The following DCDC2C variants were observed in gnomAD, a reference collection of about 807,000 sequenced individuals.
DCDC2C encodes the protein doublecortin domain containing 2C, also known as doublecortin domain-containing protein 2C.
A neutral mutation model predicts 45.0 loss-of-function variants in DCDC2C; 44 were observed. The observed-to-expected ratio is 0.98, with a 90% CI of 0.77 to 1.26. DCDC2C has a LOEUF of 1.26. DCDC2C is among the 50% of genes most tolerant of loss of function. DCDC2C has a pLI of 0.00. For synonymous variants in DCDC2C, 187 were observed against 178.8 expected, an observed-to-expected ratio of 1.05 and a Z score of -0.37; for missense variants, 447 against 468.9, an observed-to-expected ratio of 0.95 and a Z score of 0.43.
intron 2 of DCDC2C, chr2:3,725,836 G>T: frequency 6.1e-6 from 1 of 164,274 alleles, no homozygotes; most frequent in Non-Finnish European, 1.3e-5. Context: ...ATCCCAGAGG[G>T]AGATGAGCAG....
intron 3 of DCDC2C, among the ~76,000 whole-genome samples, chr2:3,736,878 T>C (rs1442774496): frequency 6.6e-6 from 1 of 152,194 alleles, no homozygotes; most frequent in Non-Finnish European, 1.5e-5. Flanking sequence ...TATGACACCT[T>C]AGTTTTAAAG....
intron 10 of DCDC2C, among the ~76,000 whole-genome samples, chr2:3,801,237 G>A (rs1445191732): frequency 2.0e-5 from 3 of 152,240 alleles, no homozygotes; most frequent in Non-Finnish European, 4.4e-5. Flanking sequence ...CCAGGTTGTG[G>A]ACAGAGGTAT....
chr2:3,790,711 G>T, intron 10 of DCDC2C, among the ~76,000 whole-genome samples: 1 of 152,140 alleles, frequency 6.6e-6, no homozygotes. Context: ...AAGAGACAAG[G>T]TCAATAGCAA....
chr2:3,739,926 C>T (rs1312522332), intron 3 of DCDC2C, among the ~76,000 whole-genome samples: 1 of 152,208 alleles, frequency 6.6e-6, no homozygotes, highest in Non-Finnish European at 1.5e-5. Context: ...CGGAGCCCCA[C>T]AGCCTGCCCG....
At chr2:3,809,853 C>G (rs1298022548) in intron 10 of DCDC2C, among the ~76,000 whole-genome samples, 3 of 152,062 alleles carry the variant, frequency 2.0e-5, no homozygotes, top group African/African-American at 7.2e-5. Context: ...GTTTTGTTTT[C>G]TGTTCCTGTG....
At chr2:3,715,606 T>TCCATCCATCCATCCATCCATC (rs1157499865) in intron 2 of DCDC2C, among the ~76,000 whole-genome samples, 187 of 136,818 alleles carry the variant, frequency 1.4e-3, no homozygotes, top group Admixed American at 3.2e-3. Context: ...ATCCATCCAT[T>TCCATCCATCCATCCATCCATC]CATCCAATTT....
chr2:3,841,501 A>C (rs930150331), intron 10 of DCDC2C, among the ~76,000 whole-genome samples: 10 of 144,858 alleles, frequency 6.9e-5, no homozygotes, highest in African/African-American at 2.6e-4. Context: ...TGTTTTTGGG[A>C]GTGCTTATGT....
At chr2:3,776,400 CA>C (rs1195956992) in intron 8 of DCDC2C, among the ~76,000 whole-genome samples, 2 of 152,116 alleles carry the variant, frequency 1.3e-5, no homozygotes, top group Non-Finnish European at 2.9e-5. Flanking sequence ...TCCATAGTGG[CA>C]AAAAACAGCT....
At chr2:3,783,477 C>T (rs1670567967) in intron 9 of DCDC2C, among the ~76,000 whole-genome samples, 1 of 152,234 alleles carries the variant, frequency 6.6e-6, no homozygotes, top group African/African-American at 2.4e-5. Flanking sequence ...GTTTGTCCTT[C>T]CTACGCCGTC....
chr2:3,738,516 C>G (rs1245274072), intron 3 of DCDC2C, among the ~76,000 whole-genome samples: 1 of 104,926 alleles, frequency 9.5e-6, no homozygotes, highest in Non-Finnish European at 1.7e-5. Context: ...AAGGGCAATA[C>G]ATTTTTTCTG....
Position 3,836,143 on chromosome 2 carries a change from C to T in DCDC2C, c.1066-11011C>T, listed in dbSNP as rs191750870. Among the ~76,000 whole-genome samples the T allele has an allele frequency of 5.3e-5, 8 of 152,216 alleles. No individual in the cohort carries two copies. In the East Asian group the frequency reaches 1.3e-3, roughly 26 times the overall value. On this transcript the variant is annotated intron_variant, in intron 10 of 10. Coordinates refer to ENST00000399143, the MANE Select transcript of DCDC2C (RefSeq NM_001287444.2). ...CACCTGTGGTCAAGGATAATTTCAC[C>T]AGTGATGAAGTAATGTAGATGTAAT...
At chr2:3,725,186 G>T (rs912932217) in intron 2 of DCDC2C, among the ~76,000 whole-genome samples, 1 of 152,154 alleles carries the variant, frequency 6.6e-6, no homozygotes, top group Non-Finnish European at 1.5e-5. Context: ...AATGAATTTG[G>T]CTTAGTGCCG....
Position 3,742,013 on chromosome 2 carries a change from C to T in DCDC2C, c.510C>T (p.Ile170=), listed in dbSNP as rs36010676. Residue 170 remains isoleucine (I), a synonymous_variant, in exon 4 of 11, where the codon ATC becomes ATT. Transcript: ENST00000399143. Reference sequence around the variant, plus strand: ...ATTGGGACATCGTGCTGGCCACGATCGGAGAAAAAGTCTTCCCTCTAGGAG... The same window carrying T: ...ATTGGGACATCGTGCTGGCCACGATTGGAGAAAAAGTCTTCCCTCTAGGAG... ...LSDWDIVLAT[I]GEKVFPLGGV... 5,397 of 1,547,218 alleles carry T rather than the reference C, an allele frequency of 3.5e-3. 156 individuals are homozygous for T. The African/African-American group carries it at 0.062, about 18-fold the overall frequency.
chr2:3,725,137 T>A (rs1016745842), intron 2 of DCDC2C, among the ~76,000 whole-genome samples: 7 of 152,118 alleles, frequency 4.6e-5, no homozygotes, highest in Non-Finnish European at 1.0e-4. Context: ...GCTGGGAGTT[T>A]CCTGGGTGGG....
chr2:3,838,610 GT>G (rs1672139010), intron 10 of DCDC2C, among the ~76,000 whole-genome samples: 1 of 152,116 alleles, frequency 6.6e-6, no homozygotes, highest in Non-Finnish European at 1.5e-5. Context: ...AGGCTGAAGG[GT>G]TTTAGGGAGG....
intron 10 of DCDC2C, among the ~76,000 whole-genome samples, chr2:3,833,588 C>A (rs997150534): frequency 6.6e-6 from 1 of 152,128 alleles, no homozygotes; most frequent in Non-Finnish European, 1.5e-5. Context: ...ATGAGCATGT[C>A]TAGCATAAGG....
intron 7 of DCDC2C, 141 bp from the exon 8 acceptor site, chr2:3,769,170 G>T: frequency 1.5e-6 from 1 of 688,446 alleles, no homozygotes. Context: ...GAGGCGGACG[G>T]GGTTTGGGAC....
intron 10 of DCDC2C, among the ~76,000 whole-genome samples, chr2:3,837,617 T>TCAGGATACAGTATCAAGA: frequency 9.8e-6 from 1 of 101,946 alleles, no homozygotes; most frequent in African/African-American, 3.3e-5. Context: ...GGGAAGAAAC[T>TCAGGATACAGTATCAAGA]GAGGAAGAAA....
chr2:3,819,911 G>A (rs983962372), intron 10 of DCDC2C, among the ~76,000 whole-genome samples: 1 of 152,168 alleles, frequency 6.6e-6, no homozygotes, highest in Non-Finnish European at 1.5e-5. Flanking sequence ...ATTATAGGGT[G>A]GGGGAGCAGA....
Sources: allele counts gnomAD v4.1 joint callset (sites outside exome capture counted in the v4.1 genomes callset), GRCh38; gene constraint gnomAD v4.1.1; transcripts MANE v1.5; gene names NCBI Gene and HGNC (gene_info 2026-07-23, HGNC 2026-07-21).